The following CDC123 variants were observed in gnomAD, a reference collection of about 807,000 sequenced individuals.
CDC123 encodes the protein translation initiation factor eIF2 assembly protein.
A neutral mutation model predicts 54.4 loss-of-function variants in CDC123; 37 were observed. The observed-to-expected ratio is 0.68, with a 90% CI of 0.52 to 0.89. The LOEUF (loss-of-function observed/expected upper bound fraction) is 0.89. Among genes scored for constraint, CDC123 ranks in the 40% least tolerant of loss-of-function variants. The pLI, the probability that CDC123 is intolerant of heterozygous loss-of-function variation, is 0.00. For missense variants in CDC123, 361 were observed against 412.1 expected (o/e 0.88, Z 1.07); for synonymous variants, 144 against 136.8 (o/e 1.05, Z -0.37).
At chr10:12,201,507 G>T (rs557721681) in intron 2 of CDC123, among the ~76,000 whole-genome samples, 4 of 152,100 alleles carry the variant, frequency 2.6e-5, no homozygotes, top group Admixed American at 2.6e-4. Context: ...TCTTCCAGGT[G>T]GGGGGAACAG....
chr10:12,205,724 A>T (rs771779669), intron 2 of CDC123, among the ~76,000 whole-genome samples: 1 of 152,146 alleles, frequency 6.6e-6, no homozygotes, highest in Non-Finnish European at 1.5e-5. Context: ...CATCCTAAAT[A>T]TTAGCACCAT....
intron 6 of CDC123, among the ~76,000 whole-genome samples, chr10:12,221,186 AATAGCTT>A (rs1685525127): frequency 6.6e-6 from 1 of 152,132 alleles, no homozygotes; most frequent in Non-Finnish European, 1.5e-5. Context: ...AGAAGCCGAA[AATAGCTT>A]ACACATGGGA....
chr10:12,199,352 T>C (rs935143272), intron 2 of CDC123, among the ~76,000 whole-genome samples: 2 of 152,218 alleles, frequency 1.3e-5, no homozygotes, highest in African/African-American at 4.8e-5. Context: ...GAAGTCACGT[T>C]ATGAGTGTTC....
At chr10:12,221,624 C>T (rs891855492) in intron 6 of CDC123, among the ~76,000 whole-genome samples, 5 of 151,932 alleles carry the variant, frequency 3.3e-5, no homozygotes, top group East Asian at 3.9e-4. Flanking sequence ...GGCCATGGCC[C>T]GGGATGGCTT....
intron 10 of CDC123, among the ~76,000 whole-genome samples, chr10:12,242,664 G>C (rs922698533): frequency 6.6e-6 from 1 of 152,100 alleles, no homozygotes. Context: ...TGTTATGGCC[G>C]GGCGTGGTGG....
intron 6 of CDC123, among the ~76,000 whole-genome samples, chr10:12,228,081 T>C (rs890066028): frequency 2.6e-5 from 4 of 151,304 alleles, no homozygotes; most frequent in African/African-American, 9.7e-5. Context: ...GATGACAGGC[T>C]TGAGCCTCCG....
chr10:12,248,181 A>G (rs747385378), intron 11 of CDC123, among the ~76,000 whole-genome samples: 4 of 152,204 alleles, frequency 2.6e-5, no homozygotes, highest in Admixed American at 2.6e-4. Flanking sequence ...AGATTTTCAC[A>G]GTGTTCTCTT....
At chr10:12,227,568 G>T (rs1273723690) in intron 6 of CDC123, among the ~76,000 whole-genome samples, 2 of 151,572 alleles carry the variant, frequency 1.3e-5, no homozygotes, top group Non-Finnish European at 2.9e-5. Context: ...CACGATCTCA[G>T]ATCACTGCAA....
chr10:12,196,611 A>G (rs11257590), intron 1 of CDC123, among the ~76,000 whole-genome samples: 14,518 of 152,202 alleles, frequency 0.095, 772 homozygotes, highest in South Asian at 0.17. Flanking sequence ...CCCCAGGCGC[A>G]AGGTGATCAC....
chr10:12,246,502 C>A, intron 11 of CDC123: 1 of 425,274 alleles, frequency 2.4e-6, no homozygotes. Flanking sequence ...TTTTTTAGTT[C>A]TTTTTCTGAG....
chr10:12,248,511 C>CA lies in CDC123; in HGVS notation c.847-1060dup, dbSNP rs529994117. Among the ~76,000 whole-genome samples the CA allele has an allele frequency of 6.8e-3, 787 of 116,056 alleles. 3 individuals are homozygous for CA. The highest frequency in any genetic ancestry group is 9.2e-3 in the Admixed American group (94 of 10,238). The allele number at this position is 116,056 out of a possible 152,430, so 76.1% of individuals were successfully genotyped here. On this transcript the variant is annotated intron_variant, in intron 11 of 12. Coordinates refer to ENST00000281141, the MANE Select transcript of CDC123 (RefSeq NM_006023.3). Reference sequence around the variant, plus strand: ...TGGGTGACAGAGCGGGACTCCGTCTCAAAAAAAAAACAGGCCAGGTGCGGT... The same window carrying CA: ...TGGGTGACAGAGCGGGACTCCGTCTCAAAAAAAAAAACAGGCCAGGTGCGGT...
rs771122149 is a variant in CDC123, at chr10:12,230,899, T to C, written c.441-49T>C. 1.1e-5 allele frequency: 17 copies of C among 1,547,048 alleles called. No homozygotes were observed. In the African/African-American group the frequency reaches 2.0e-4, roughly 19 times the overall value. ...ATATATGTTAAGTGTGTGCATAAAC[T>C]GGCACCAGTAACAAAAAGATTCAGT... is the stretch of plus-strand genomic sequence containing the variant. On this transcript the variant is annotated intron_variant, in intron 6 of 12. Coordinates refer to ENST00000281141, the MANE Select transcript of CDC123 (RefSeq NM_006023.3).
intron 6 of CDC123, among the ~76,000 whole-genome samples, chr10:12,225,930 C>T (rs964354472): frequency 2.6e-5 from 4 of 151,852 alleles, no homozygotes; most frequent in African/African-American, 7.3e-5. Context: ...GTTTGTGTCC[C>T]TGGGTACTTG....
intron 2 of CDC123, among the ~76,000 whole-genome samples, chr10:12,202,351 G>GA (rs1398437200): frequency 6.6e-6 from 1 of 152,108 alleles, no homozygotes; most frequent in African/African-American, 2.4e-5. Context: ...TGTGTAAGTG[G>GA]AAAAAATGCA....
At position 12,196,218 on chromosome 10, in the gene CDC123, G is replaced by A. The variant is rs200043765; in HGVS notation, c.-28G>A. 88 of 1,613,852 alleles carry A rather than the reference G, an allele frequency of 5.5e-5. 1 individual carries two copies. The African/African-American group carries it at 1.1e-3, about 20-fold the overall frequency. ...TCCGGGAGGGTGCAGGCAGGAGAGG[G>A]AAAGGCAGCAGCGGCGGCAGCTGGA... On this transcript the variant is annotated 5_prime_UTR_variant, in exon 1 of 13. Transcript: ENST00000281141.
At chr10:12,224,221 C>T (rs557833901) in intron 6 of CDC123, among the ~76,000 whole-genome samples, 25 of 150,132 alleles carry the variant, frequency 1.7e-4, no homozygotes, top group African/African-American at 5.6e-4. Context: ...AAAAAGACAT[C>T]TGATTAGTCA....
intron 3 of CDC123, 118 bp from the exon 4 acceptor site, chr10:12,210,172 T>G (rs1219025253): frequency 6.9e-7 from 1 of 1,446,358 alleles, no homozygotes; most frequent in East Asian, 2.4e-5. Context: ...TCACATATGC[T>G]GTATTCCGGA....
At chr10:12,223,073 T>A (rs935931388) in intron 6 of CDC123, among the ~76,000 whole-genome samples, 1 of 150,878 alleles carries the variant, frequency 6.6e-6, no homozygotes. Context: ...TTTTTGTATT[T>A]TTAGTAGAGA....
chr10:12,221,576 C>G (rs1048729637), intron 6 of CDC123, among the ~76,000 whole-genome samples: 1 of 152,130 alleles, frequency 6.6e-6, no homozygotes, highest in African/African-American at 2.4e-5. Context: ...TGCTGTGATT[C>G]GTTTAGATCA....
Sources: gnomAD v4.1 joint callset for allele counts (sites outside exome capture counted in the v4.1 genomes callset) on GRCh38, gnomAD v4.1.1 for gene constraint, MANE v1.5 for transcripts, NCBI Gene and HGNC (gene_info 2026-07-23, HGNC 2026-07-21) for gene names.